The following SPEF2 variants were observed in gnomAD, a reference collection of about 807,000 sequenced individuals.
SPEF2 encodes sperm flagellar and cilia associated 2.
SPEF2 carries 187 observed loss-of-function variants against 224.6 expected under a neutral mutation model. The observed-to-expected ratio is 0.83, with a 90% CI of 0.74 to 0.94. The LOEUF is 0.94. Among genes scored for constraint, SPEF2 ranks in the 40% least tolerant of loss-of-function variants. The pLI, the probability that SPEF2 is intolerant of heterozygous loss-of-function variation, is 0.00. For synonymous variants in SPEF2, 715 were observed against 707.3 expected (o/e 1.01, Z -0.17); for missense variants, 2,170 against 2,135.6 (o/e 1.02, Z -0.32).
intron 30 of SPEF2, among the ~76,000 whole-genome samples, chr5:35,785,038 A>G (rs192214263): frequency 2.0e-5 from 3 of 152,348 alleles, no homozygotes; most frequent in Admixed American, 2.0e-4. Flanking sequence ...TTTGCAGGTA[A>G]GTATTTTGAT....
In SPEF2 at chr5:35,617,943, T is replaced by C; in HGVS notation, c.-55T>C. On this transcript the variant is annotated 5_prime_UTR_variant, in exon 1 of 37. Transcript: ENST00000356031. ...ACAGGAGGACGCGGGCTGGCAGGCTTGGTTCCTGGCGAGTTTCTAAGCCCC... is the reference window on the plus strand; with the variant it reads ...ACAGGAGGACGCGGGCTGGCAGGCTCGGTTCCTGGCGAGTTTCTAAGCCCC... 1 of 1,535,840 alleles carries C rather than the reference T, an allele frequency of 6.5e-7. No homozygotes were observed. Among genetic ancestry groups the C allele is most frequent in the Non-Finnish European group, 8.8e-7 (1 of 1,131,366 alleles).
chr5:35,626,662 C>G (rs771429269), intron 1 of SPEF2, among the ~76,000 whole-genome samples: 2 of 152,148 alleles, frequency 1.3e-5, no homozygotes, highest in Non-Finnish European at 2.9e-5. Context: ...AGAGCTCACC[C>G]TGAGTACATA....
intron 2 of SPEF2, among the ~76,000 whole-genome samples, chr5:35,640,484 T>C (rs994756545): frequency 6.6e-6 from 1 of 152,202 alleles, no homozygotes; most frequent in Non-Finnish European, 1.5e-5. Context: ...AAACATGGTC[T>C]GCTTTACCTG....
rs200102228 is a variant in SPEF2, at chr5:35,633,721, AG to A, written c.161+5160del. The stretch of plus-strand genomic sequence containing the variant: ...CTCTACTACTGCCTTCTTTAGTGTT[AG>A]ATATTTTCTAATACCATTTTAATTC... On this transcript the variant is annotated intron_variant, in intron 2 of 36. Transcript: ENST00000356031. Among the ~76,000 whole-genome samples, 1,128 of 152,050 alleles carry A rather than the reference AG, an allele frequency of 7.4e-3. 8 individuals are homozygous for A. Among genetic ancestry groups the A allele is most frequent in the African/African-American group, 0.025 (1,034 of 41,516 alleles).
At chr5:35,671,077 G>A (rs1265724245) in intron 10 of SPEF2, 1 of 985,184 alleles carries the variant, frequency 1.0e-6, no homozygotes, top group East Asian at 1.1e-4. Context: ...TGAGGAGTGA[G>A]GCTTTTTATT....
At chr5:35,721,618 C>A (rs1020070074) in intron 20 of SPEF2, among the ~76,000 whole-genome samples, 1 of 152,124 alleles carries the variant, frequency 6.6e-6, no homozygotes, top group South Asian at 2.1e-4. Flanking sequence ...ATTAAAGTCA[C>A]GTGAAGTGAA....
At chr5:35,658,450 G>A (rs1393646801) in intron 7 of SPEF2, among the ~76,000 whole-genome samples, 6 of 152,098 alleles carry the variant, frequency 3.9e-5, no homozygotes, top group Admixed American at 2.0e-4. Flanking sequence ...ATATCCTCAC[G>A]GGGAACTAAT....
chr5:35,782,383 C>T (rs1483047924), intron 30 of SPEF2, among the ~76,000 whole-genome samples: 1 of 152,144 alleles, frequency 6.6e-6, no homozygotes, highest in African/African-American at 2.4e-5. Flanking sequence ...TTCATATATG[C>T]CCATGCAATC....
At chr5:35,763,831 T>C (rs568633677) in intron 26 of SPEF2, 129 bp downstream of exon 26, 3 of 781,616 alleles carry the variant, frequency 3.8e-6, no homozygotes, top group Admixed American at 3.7e-5. Context: ...CTTCGAAACA[T>C]TTTTTTTCTG....
chr5:35,697,091 C>T (rs1287195054), intron 14 of SPEF2, among the ~76,000 whole-genome samples: 1 of 152,086 alleles, frequency 6.6e-6, no homozygotes, highest in African/African-American at 2.4e-5. Context: ...AGAGCCATAC[C>T]ATTTGACATA....
At chr5:35,633,808 T>C (rs954507909) in intron 2 of SPEF2, among the ~76,000 whole-genome samples, 3 of 151,996 alleles carry the variant, frequency 2.0e-5, no homozygotes, top group Admixed American at 6.6e-5. Context: ...AGTTTTTGAG[T>C]CAGTTTCTTA....
intron 36 of SPEF2, among the ~76,000 whole-genome samples, chr5:35,808,419 G>A (rs1204954377): frequency 6.6e-6 from 1 of 151,864 alleles, no homozygotes; most frequent in African/African-American, 2.4e-5. Context: ...CCCATGACAG[G>A]CCCCAGTGTA....
chr5:35,798,130 T>C (rs1246060198), intron 33 of SPEF2, among the ~76,000 whole-genome samples: 1 of 152,174 alleles, frequency 6.6e-6, no homozygotes, highest in Non-Finnish European at 1.5e-5. Flanking sequence ...CCTAGATGAC[T>C]GCAACGGCCT....
chr5:35,625,621 C>T (rs1744127292), intron 1 of SPEF2, among the ~76,000 whole-genome samples: 1 of 152,198 alleles, frequency 6.6e-6, no homozygotes, highest in South Asian at 2.1e-4. Flanking sequence ...GACACAGATA[C>T]ATCCATAGAT....
intron 20 of SPEF2, among the ~76,000 whole-genome samples, chr5:35,723,928 T>C (rs1744198690): frequency 6.6e-6 from 1 of 152,238 alleles, no homozygotes; most frequent in Admixed American, 6.5e-5. Flanking sequence ...AATTAATTTA[T>C]GATTGATCAC....
chr5:35,776,104 G>T (rs545834927), intron 28 of SPEF2, among the ~76,000 whole-genome samples, 153 bp from the exon 29 acceptor site: 1 of 152,306 alleles, frequency 6.6e-6, no homozygotes, highest in South Asian at 2.1e-4. Flanking sequence ...TTGCTTTTCA[G>T]TGAGATGGAT....
chr5:35,766,750 T>G (rs912006342), intron 26 of SPEF2, among the ~76,000 whole-genome samples: 5 of 151,950 alleles, frequency 3.3e-5, no homozygotes, highest in Admixed American at 1.3e-4. Flanking sequence ...TCCAATCTTT[T>G]TTTTCTAACA....
At chr5:35,750,733 C>T (rs1234188780) in intron 23 of SPEF2, among the ~76,000 whole-genome samples, 1 of 151,694 alleles carries the variant, frequency 6.6e-6, no homozygotes. Context: ...GGGAACACTT[C>T]TATGCTGCTG....
chr5:35,746,790 C>T (rs1748609330), intron 23 of SPEF2, among the ~76,000 whole-genome samples: 1 of 152,080 alleles, frequency 6.6e-6, no homozygotes, highest in Non-Finnish European at 1.5e-5. Flanking sequence ...TCGCTAGAGA[C>T]CTAAACATTC....
Sources: allele counts gnomAD v4.1 joint callset (sites outside exome capture counted in the v4.1 genomes callset), GRCh38; gene constraint gnomAD v4.1.1; transcripts MANE v1.5; gene names NCBI Gene and HGNC (gene_info 2026-07-23, HGNC 2026-07-21).